Variants in KCNK13 observed in about 807,000 individuals in gnomAD.
KCNK13 encodes potassium two pore domain channel subfamily K member 13.
KCNK13 carries 12 observed loss-of-function variants against 23.4 expected under a neutral mutation model. The observed-to-expected ratio is 0.51, with a 90% CI of 0.33 to 0.83. The LOEUF is 0.83. KCNK13 is among the 40% of genes least tolerant of loss of function. The probability of loss-of-function intolerance (pLI) is 0.02; values close to 1 mark genes in which losing one functional copy is unlikely to be tolerated. For missense variants in KCNK13, 463 were observed against 556.3 expected, an observed-to-expected ratio of 0.83 and a Z score of 1.69; for synonymous variants, 231 against 229.5, an observed-to-expected ratio of 1.01 and a Z score of -0.06.
intron 1 of KCNK13, among the ~76,000 whole-genome samples, chr14:90,174,167 G>A (rs573190676): frequency 8.6e-4 from 131 of 152,152 alleles, no homozygotes; most frequent in African/African-American, 3.1e-3. Flanking sequence ...AAAATTAGCC[G>A]GGTGTGGTGG....
chr14:90,067,034 G>C (rs542888334), intron 1 of KCNK13, among the ~76,000 whole-genome samples: 4 of 152,250 alleles, frequency 2.6e-5, no homozygotes, highest in Non-Finnish European at 5.9e-5. Flanking sequence ...ACTTTGGGAG[G>C]CCAAGGCAGG....
At chr14:90,105,456 T>C (rs961661069) in intron 1 of KCNK13, among the ~76,000 whole-genome samples, 2 of 152,068 alleles carry the variant, frequency 1.3e-5, no homozygotes, top group African/African-American at 4.8e-5. Context: ...ATAAATCAAG[T>C]GACAGAACAA....
intron 1 of KCNK13, among the ~76,000 whole-genome samples, chr14:90,063,361 G>C (rs1198817380): frequency 1.3e-5 from 2 of 152,112 alleles, no homozygotes; most frequent in Non-Finnish European, 2.9e-5. Context: ...CAAAGATGTA[G>C]CACAGCTACA....
At chr14:90,174,334 T>A (rs560080089) in intron 1 of KCNK13, among the ~76,000 whole-genome samples, 15 of 151,848 alleles carry the variant, frequency 9.9e-5, no homozygotes, top group Middle Eastern at 6.8e-3. Context: ...AATAAATAAA[T>A]AAATAAAACC....
chr14:90,130,544 C>T (rs944628352), intron 1 of KCNK13, among the ~76,000 whole-genome samples: 9 of 151,722 alleles, frequency 5.9e-5, no homozygotes, highest in African/African-American at 1.9e-4. Context: ...CGGGCACAGT[C>T]GCCCATGCCT....
chr14:90,110,881 T>A (rs956862049), intron 1 of KCNK13, among the ~76,000 whole-genome samples: 1 of 151,716 alleles, frequency 6.6e-6, no homozygotes, highest in Non-Finnish European at 1.5e-5. Flanking sequence ...TGGTGGCAGG[T>A]GCCTGTAATC....
intron 1 of KCNK13, among the ~76,000 whole-genome samples, chr14:90,152,097 G>C (rs895942116): frequency 6.6e-6 from 1 of 152,152 alleles, no homozygotes; most frequent in African/African-American, 2.4e-5. Flanking sequence ...CACATGTTGT[G>C]GGAGGGACCA....
chr14:90,073,284 T>C (rs1310737131), intron 1 of KCNK13, among the ~76,000 whole-genome samples: 1 of 152,108 alleles, frequency 6.6e-6, no homozygotes, highest in Non-Finnish European at 1.5e-5. Context: ...AAGGTTTGGG[T>C]AGCGTGCTGC....
chr14:90,173,118 C>T (rs761900135), intron 1 of KCNK13, among the ~76,000 whole-genome samples: 16 of 152,272 alleles, frequency 1.1e-4, no homozygotes, highest in Middle Eastern at 3.4e-3. Flanking sequence ...AAAAGATGTT[C>T]AACTTGATTA....
intron 1 of KCNK13, among the ~76,000 whole-genome samples, chr14:90,180,783 T>C (rs1264632668): frequency 6.6e-6 from 1 of 152,168 alleles, no homozygotes; most frequent in Non-Finnish European, 1.5e-5. Flanking sequence ...CATCCCAAAG[T>C]GAGGCTGCAT....
At chr14:90,130,976 A>G (rs2039012403) in intron 1 of KCNK13, among the ~76,000 whole-genome samples, 1 of 152,100 alleles carries the variant, frequency 6.6e-6, no homozygotes, top group South Asian at 2.1e-4. Flanking sequence ...CCCGAGTGTG[A>G]GAGAGGGCAC....
intron 1 of KCNK13, among the ~76,000 whole-genome samples, chr14:90,120,720 C>T (rs1566955143): frequency 6.6e-6 from 1 of 152,138 alleles, no homozygotes; most frequent in Non-Finnish European, 1.5e-5. Flanking sequence ...GGTGGGGACA[C>T]AAAGCCAAAT....
At chr14:90,068,816 T>G (rs1889038780) in intron 1 of KCNK13, among the ~76,000 whole-genome samples, 1 of 151,902 alleles carries the variant, frequency 6.6e-6, no homozygotes, top group Non-Finnish European at 1.5e-5. Context: ...CAGGCAGGTG[T>G]GGTGAGGAGG....
intron 1 of KCNK13, among the ~76,000 whole-genome samples, chr14:90,073,977 G>T (rs549343578): frequency 3.8e-4 from 57 of 151,738 alleles, no homozygotes; most frequent in African/African-American, 1.3e-3. Context: ...GCCCGACCAA[G>T]ATTTTTTTGT....
At chr14:90,135,006 C>A (rs1889918938) in intron 1 of KCNK13, among the ~76,000 whole-genome samples, 3 of 152,150 alleles carry the variant, frequency 2.0e-5, no homozygotes. Flanking sequence ...TACCCCGCTT[C>A]CAAGGTTTAC....
At chr14:90,079,131 G>A (rs943405549) in intron 1 of KCNK13, among the ~76,000 whole-genome samples, 2 of 152,120 alleles carry the variant, frequency 1.3e-5, no homozygotes, top group African/African-American at 4.8e-5. Flanking sequence ...GTTCAACATG[G>A]CTGCTGGTGT....
intron 1 of KCNK13, among the ~76,000 whole-genome samples, chr14:90,161,854 G>A (rs1890255775): frequency 6.6e-6 from 1 of 152,156 alleles, no homozygotes; most frequent in Non-Finnish European, 1.5e-5. Flanking sequence ...AGAGAAGAGA[G>A]GTGAGGGAAG....
chr14:90,085,766 T>TATTATAC (rs1163062929), intron 1 of KCNK13, among the ~76,000 whole-genome samples: 1 of 120,714 alleles, frequency 8.3e-6, no homozygotes, highest in African/African-American at 3.2e-5. Flanking sequence ...ATATATTATA[T>TATTATAC]AAATTATATA....
chr14:90,172,599 A>C (rs1188219562), intron 1 of KCNK13, among the ~76,000 whole-genome samples: 9 of 150,818 alleles, frequency 6.0e-5, no homozygotes, highest in Non-Finnish European at 1.0e-4. Context: ...AAAACACTTC[A>C]GTGTAAAGTG....
Sources: gnomAD v4.1 joint callset for allele counts (sites outside exome capture counted in the v4.1 genomes callset) on GRCh38, gnomAD v4.1.1 for gene constraint, MANE v1.5 for transcripts, NCBI Gene and HGNC (gene_info 2026-07-23, HGNC 2026-07-21) for gene names.